Variants in C3orf20 observed in about 807,000 individuals in gnomAD.
C3orf20 encodes the protein family with sequence similarity 149 member C, also known as uncharacterized protein C3orf20.
Under a neutral mutation model 88.3 loss-of-function variants are expected in C3orf20, and 76 were observed. The ratio of observed to expected loss-of-function variants is 0.86; its 90% CI spans 0.72 to 1.04. The LOEUF is 1.04. C3orf20 is among the 50% of genes least tolerant of loss of function. The pLI, the probability that C3orf20 is intolerant of heterozygous loss-of-function variation, is 0.00. For synonymous variants in C3orf20, 436 were observed against 437.4 expected, an observed-to-expected ratio of 1.00 and a Z score of 0.04; for missense variants, 1,056 against 1,123.3, an observed-to-expected ratio of 0.94 and a Z score of 0.86.
chr3:14,772,706 GCC>G lies in C3orf20; in HGVS notation c.2631-82_2631-81del, dbSNP rs1211743898. 1.6e-5 allele frequency: 18 copies of G among 1,091,738 alleles called. No individual in the cohort carries two copies. The East Asian group carries it at 4.3e-4, about 26-fold the overall frequency. The allele number at this position is 1,091,738 out of a possible 1,614,324, so 67.6% of individuals were successfully genotyped here. ...TCACCTGTGCAAGGGAGAGGGCCTT[GCC>G]CCTCCTGGCCCAACCGGGCCTGGGC... On this transcript the variant is annotated intron_variant, in intron 16 of 16. Coordinates refer to ENST00000253697, the MANE Select transcript of C3orf20 (RefSeq NM_032137.5). This position sits in a 1 kb window ranked among gnomAD's most constrained non-coding sequence, Gnocchi z 4.2.
In C3orf20 at chr3:14,772,343, C is replaced by A; in HGVS notation, c.2630+142C>A. 1.9e-6 allele frequency: 2 copies of A among 1,063,652 alleles called. No homozygotes were observed. The highest frequency in any genetic ancestry group is 2.7e-6 in the Non-Finnish European group (2 of 731,686). The allele number at this position is 1,063,652 out of a possible 1,614,324, so 65.9% of individuals were successfully genotyped here. A position where few individuals can be genotyped will look rare whatever the true frequency, so the allele number is the denominator to read the frequency against. On this transcript the variant is annotated intron_variant, in intron 16 of 16. Transcript: ENST00000253697. The surrounding 1 kb of genome is among the most constrained non-coding windows in gnomAD (Gnocchi z 4.2). Reference sequence around the variant, plus strand: ...GCTGACATCTAGCCCATGTAATCAACACAATATTGGGCGGGCATGCAGGCT... The same window carrying A: ...GCTGACATCTAGCCCATGTAATCAAAACAATATTGGGCGGGCATGCAGGCT...
intron 5 of C3orf20, among the ~76,000 whole-genome samples, chr3:14,691,356 G>T (rs763294414): frequency 6.6e-6 from 1 of 152,210 alleles, no homozygotes; most frequent in Non-Finnish European, 1.5e-5. Context: ...GCTGGCCCTA[G>T]ATCTGGCCCT....
Position 14,682,757 on chromosome 3 carries a change from C to T in C3orf20, c.44C>T (p.Thr15Ile), listed in dbSNP as rs138328955. The change falls in exon 3 of 17, where the codon ACA becomes ATA. Residue 15 changes from threonine (T) to isoleucine (I), a missense_variant. Transcript: ENST00000253697. The stretch of plus-strand genomic sequence containing the variant: ...AACCTAGAATTATATCAGCAATACA[C>T]AGCCATGGCCCCCAAGCTACTGGCC... ...KSNLELYQQYTAMAPKLLARI... is the reference protein window; with the variant it reads ...KSNLELYQQYIAMAPKLLARI... 736 of 1,613,966 alleles carry T rather than the reference C, an allele frequency of 4.6e-4. 5 individuals carry two copies. The African/African-American group carries it at 9.2e-3, about 20-fold the overall frequency.
intron 8 of C3orf20, 29 bp from the exon 9 acceptor site, chr3:14,715,260 G>A (rs1187870761): frequency 1.4e-5 from 22 of 1,603,506 alleles, no homozygotes; most frequent in Non-Finnish European, 1.7e-5. Context: ...GGGCCCGGTG[G>A]CAGCTACTCA....
chr3:14,685,831 A>G (rs2032388178), intron 4 of C3orf20, among the ~76,000 whole-genome samples: 1 of 119,232 alleles, frequency 8.4e-6, no homozygotes, highest in African/African-American at 3.2e-5. Flanking sequence ...AGGTTCACTT[A>G]TGTTGTAGCA....
chr3:14,727,864 T>G (rs1341480135), intron 11 of C3orf20, among the ~76,000 whole-genome samples: 1 of 152,232 alleles, frequency 6.6e-6, no homozygotes, highest in Non-Finnish European at 1.5e-5. Context: ...TCCCCCATCC[T>G]GCTCCCCCAC....
intron 9 of C3orf20, among the ~76,000 whole-genome samples, chr3:14,719,153 A>G (rs2034055982): frequency 6.8e-6 from 1 of 147,556 alleles, no homozygotes; most frequent in Admixed American, 6.7e-5. Context: ...AATTTTTTCA[A>G]GCTTATAGTT....
intron 15 of C3orf20, among the ~76,000 whole-genome samples, chr3:14,767,703 A>T (rs1023482001): frequency 6.6e-5 from 10 of 152,260 alleles, no homozygotes; most frequent in African/African-American, 2.4e-4. Context: ...TCCTTTGTAA[A>T]TTGCCACATG....
At chr3:14,696,647 G>A (rs2033016369) in intron 5 of C3orf20, among the ~76,000 whole-genome samples, 1 of 151,860 alleles carries the variant, frequency 6.6e-6, no homozygotes, top group Non-Finnish European at 1.5e-5. Context: ...CAGAGTGCTG[G>A]AATTATAGGC....
intron 4 of C3orf20, among the ~76,000 whole-genome samples, chr3:14,689,582 T>C (rs1575093940): frequency 6.6e-6 from 1 of 152,186 alleles, no homozygotes. Flanking sequence ...GAGACTGATA[T>C]ATTATTGAAG....
At chr3:14,690,571 G>A (rs1033314898) in intron 5 of C3orf20, among the ~76,000 whole-genome samples, 3 of 152,178 alleles carry the variant, frequency 2.0e-5, no homozygotes, top group South Asian at 2.1e-4. Flanking sequence ...GTTTTTATGG[G>A]CAGGAAACAA....
Position 14,772,097 on chromosome 3 carries a change from T to G in C3orf20, c.2526T>G (p.Asp842Glu), listed in dbSNP as rs1170865894. Reference sequence around the variant, plus strand: ...CCAACTCTGTCCTGAGCCTGGAGGATTCTGAATCAGTCAAGAAAGCCGAGT... The same window carrying G: ...CCAACTCTGTCCTGAGCCTGGAGGAGTCTGAATCAGTCAAGAAAGCCGAGT... ...SVPNSVLSLE[D>E]SESVKKAESE... is the part of the protein sequence containing the mutation. Residue 842 changes from aspartate to glutamate, a missense_variant, in exon 16 of 17, where the codon GAT (aspartate) becomes GAG (glutamate). Coordinates refer to ENST00000253697, the MANE Select transcript of C3orf20 (RefSeq NM_032137.5). The surrounding 1 kb of genome is among the most constrained non-coding windows in gnomAD (Gnocchi z 4.2). The G allele has an allele frequency of 6.2e-7, 1 of 1,614,076 alleles. No homozygotes were observed. Among genetic ancestry groups the G allele is most frequent in the Non-Finnish European group, 8.5e-7 (1 of 1,180,032 alleles).
At position 14,756,028 on chromosome 3, in the gene C3orf20, CAAAAAAA is replaced by C. The variant is rs56242160; in HGVS notation, c.1941-1330_1941-1324del. Among the ~76,000 whole-genome samples, 13 of 72,736 alleles carry C rather than the reference CAAAAAAA, an allele frequency of 1.8e-4. No individual in the cohort carries two copies. The South Asian group carries it at 2.2e-3, about 12-fold the overall frequency. The allele number at this position is 72,736 out of a possible 152,430, so 47.7% of individuals were successfully genotyped here. A position where few individuals can be genotyped will look rare whatever the true frequency, so the allele number is the denominator to read the frequency against. ...TGGGTGACAGAGCGAGACTCCATCT[CAAAAAAA>C]AAAAAAAAAAAAGAAAAAGAAAAAA... On this transcript the variant is annotated intron_variant, in intron 12 of 16. Transcript: ENST00000253697.
chr3:14,678,001 A>G (rs1575080546), intron 1 of C3orf20, among the ~76,000 whole-genome samples: 2 of 43,280 alleles, frequency 4.6e-5, no homozygotes, highest in East Asian at 1.2e-3. Flanking sequence ...CAGCTACAAG[A>G]TCAAGCTCAG....
chr3:14,750,738 A>T (rs2035195929), intron 12 of C3orf20, among the ~76,000 whole-genome samples: 1 of 152,038 alleles, frequency 6.6e-6, no homozygotes, highest in South Asian at 2.1e-4. Context: ...TCAAGATGTT[A>T]TGTCTTTTGA....
intron 12 of C3orf20, among the ~76,000 whole-genome samples, chr3:14,749,868 C>T (rs77460312): frequency 0.03 from 4,629 of 151,896 alleles, 224 homozygotes; most frequent in African/African-American, 0.11. Flanking sequence ...TTATCTGCTC[C>T]CGTACAGCTT....
At chr3:14,708,210 A>G (rs2124946224) in intron 7 of C3orf20, among the ~76,000 whole-genome samples, 1 of 152,318 alleles carries the variant, frequency 6.6e-6, no homozygotes, top group African/African-American at 2.4e-5. Flanking sequence ...GTATAAGATA[A>G]GGTTCCAATT....
intron 5 of C3orf20, among the ~76,000 whole-genome samples, chr3:14,699,161 G>C (rs762842575): frequency 6.6e-6 from 1 of 152,026 alleles, no homozygotes; most frequent in Non-Finnish European, 1.5e-5. Context: ...GGGCTCCCCT[G>C]TGCCCCAGGA....
chr3:14,738,521 T>C (rs1357642553), intron 12 of C3orf20, among the ~76,000 whole-genome samples: 1 of 151,510 alleles, frequency 6.6e-6, no homozygotes. Flanking sequence ...TTAGTACAGA[T>C]GGGGTTTCAC....
Sources: gnomAD v4.1 joint callset for allele counts (sites outside exome capture counted in the v4.1 genomes callset) on GRCh38, gnomAD v4.1.1 for gene constraint, Gnocchi (gnomAD v3.1) non-coding constraint, MANE v1.5 for transcripts, NCBI Gene and HGNC (gene_info 2026-07-23, HGNC 2026-07-21) for gene names.